The following MTMR10 variants were observed in gnomAD, a reference collection of about 807,000 sequenced individuals.
MTMR10 encodes the protein myotubularin-related protein 10.
MTMR10 carries 56 observed loss-of-function variants against 88.1 expected under a neutral mutation model. The observed-to-expected ratio is 0.64, with a 90% CI of 0.51 to 0.79. MTMR10 has a LOEUF of 0.79. Among genes scored for constraint, MTMR10 ranks in the 30% least tolerant of loss-of-function variants. MTMR10 has a pLI of 0.00. For synonymous variants in MTMR10, 380 were observed against 340.9 expected (o/e 1.11, Z -1.26); for missense variants, 883 against 924.7 (o/e 0.95, Z 0.58).
intron 2 of MTMR10, among the ~76,000 whole-genome samples, chr15:30,989,922 C>CT (rs1481439082): frequency 6.6e-6 from 1 of 152,128 alleles, no homozygotes; most frequent in Non-Finnish European, 1.5e-5. Context: ...AAGTATCTGG[C>CT]TACTTCCCCT....
the MTMR10 span, among the ~76,000 whole-genome samples, chr15:30,929,980 ATATAT>A: frequency 7.8e-6 from 1 of 128,650 alleles, no homozygotes; most frequent in South Asian, 2.2e-4. Flanking sequence ...AAAATATATA[ATATAT>A]AAGATATCAT....
chr15:30,965,117 G>T (rs1224006507), intron 6 of MTMR10, among the ~76,000 whole-genome samples: 1 of 152,218 alleles, frequency 6.6e-6, no homozygotes, highest in East Asian at 1.9e-4. Flanking sequence ...GGTTCCTCCA[G>T]TAATCCTGAT....
the MTMR10 span, among the ~76,000 whole-genome samples, chr15:30,930,008 G>A: frequency 7.7e-6 from 1 of 129,518 alleles, no homozygotes; most frequent in Non-Finnish European, 1.6e-5. Flanking sequence ...ATAATATAAT[G>A]TATAAAATAT....
the MTMR10 span, chr15:30,926,592 T>A: frequency 6.1e-6 from 6 of 983,536 alleles, no homozygotes; most frequent in Non-Finnish European, 7.2e-6. Flanking sequence ...CTACATAATA[T>A]CTTTATTACT....
the MTMR10 span, chr15:30,928,313 T>C: frequency 7.7e-7 from 1 of 1,293,330 alleles, no homozygotes; most frequent in Middle Eastern, 3.0e-4. Context: ...GAAATGTTCA[T>C]TTGAATTTTT....
rs745396431 is a variant in MTMR10, at chr15:30,941,955, C to G, written c.1849G>C (p.Ala617Pro). The G allele has an allele frequency of 6.2e-7, 1 of 1,614,004 alleles. No homozygotes were observed. Among genetic ancestry groups the G allele is most frequent in the Non-Finnish European group, 8.5e-7 (1 of 1,179,900 alleles). Reference sequence around the variant, plus strand: ...CTGTTCTGGCTGTCGGTTTGCTGAGCTGGATCTGGCTTTGGTTTTAATATC... The same window carrying G: ...CTGTTCTGGCTGTCGGTTTGCTGAGGTGGATCTGGCTTTGGTTTTAATATC... The part of the protein sequence containing the change: ...SLILKPKPDP[A>P]QQTDSQNSDT... The change falls in exon 16 of 16, where the codon GCT becomes CCT. Residue 617 changes from alanine (A) to proline (P), a missense_variant. Ala to Pro is a conservative substitution (Grantham distance 27). Around this residue, in one of 3 missense-constraint regions of MTMR10, gnomAD observed 343 missense variants for 323.2 expected, o/e 1.06. Coordinates refer to ENST00000435680, the MANE Select transcript of MTMR10 (RefSeq NM_017762.3).
At chr15:30,937,356 G>C (rs1304385458), downstream of MTMR10, 14 of 1,175,524 alleles carry the variant, frequency 1.2e-5, no homozygotes, top group Non-Finnish European at 1.5e-5. Flanking sequence ...TTATAAACCT[G>C]ATAGTTTGAC....
intron 15 of MTMR10, 101 bp from the exon 16 acceptor site, chr15:30,942,173 A>T: frequency 7.4e-7 from 1 of 1,358,016 alleles, no homozygotes; most frequent in African/African-American, 1.5e-5. Flanking sequence ...AAATTAATGG[A>T]ATTTCAGCCT....
chr15:30,951,517 T>A (rs865930435), intron 12 of MTMR10, among the ~76,000 whole-genome samples: 4 of 152,140 alleles, frequency 2.6e-5, no homozygotes, highest in East Asian at 3.9e-4. Flanking sequence ...TTATTTATTT[T>A]TTTTTTGAGT....
chr15:30,963,489 T>A (rs1299913144), intron 6 of MTMR10, among the ~76,000 whole-genome samples: 6 of 147,566 alleles, frequency 4.1e-5, no homozygotes, highest in South Asian at 2.1e-4. Context: ...AAAAAAAAAA[T>A]AAGCCGGGTG....
chr15:30,981,998 G>A (rs1480197462), intron 2 of MTMR10, among the ~76,000 whole-genome samples: 2 of 151,548 alleles, frequency 1.3e-5, no homozygotes, highest in Non-Finnish European at 2.9e-5. Context: ...TCAAACTCGG[G>A]AGCTGGAGGT....
intron 2 of MTMR10, among the ~76,000 whole-genome samples, chr15:30,978,181 G>A: frequency 6.6e-6 from 1 of 152,054 alleles, no homozygotes; most frequent in East Asian, 1.9e-4. Context: ...TTCCTATCTA[G>A]TTTACATTCA....
chr15:30,920,724 C>T, the MTMR10 span: 71 of 859,284 alleles, frequency 8.3e-5, no homozygotes, highest in African/African-American at 4.5e-4. Context: ...GGACAGCTGT[C>T]GGGCTCTCAG....
At chr15:30,956,042 G>C (rs1282794866) in intron 9 of MTMR10, among the ~76,000 whole-genome samples, 1 of 149,682 alleles carries the variant, frequency 6.7e-6, no homozygotes, top group Non-Finnish European at 1.5e-5. Context: ...ATAAATTAGT[G>C]TGGAATGTTT....
chr15:30,956,955 C>T (rs1021928864), intron 9 of MTMR10, among the ~76,000 whole-genome samples: 2 of 152,114 alleles, frequency 1.3e-5, no homozygotes, highest in Admixed American at 6.5e-5. Context: ...ACAGAGAATA[C>T]GGACTCGTGT....
At chr15:30,936,869 T>G (rs1345701438), downstream of MTMR10, among the ~76,000 whole-genome samples, 1 of 152,116 alleles carries the variant, frequency 6.6e-6, no homozygotes, top group Non-Finnish European at 1.5e-5. Context: ...AGTATCATAC[T>G]GGGAAAAGAT....
At chr15:30,932,090 C>T in the MTMR10 span, among the ~76,000 whole-genome samples, 741 of 151,700 alleles carry the variant, frequency 4.9e-3, 1 homozygote, top group Non-Finnish European at 7.9e-3. Context: ...GGTGTGGTGG[C>T]GGGCGCCTGT....
At chr15:30,930,844 C>A in the MTMR10 span, among the ~76,000 whole-genome samples, 2 of 152,194 alleles carry the variant, frequency 1.3e-5, no homozygotes, top group African/African-American at 4.8e-5. Context: ...TTCATCAGAG[C>A]AGGCGGGTGA....
chr15:30,970,583 C>A (rs1029433605), intron 5 of MTMR10, among the ~76,000 whole-genome samples: 1 of 152,066 alleles, frequency 6.6e-6, no homozygotes, highest in African/African-American at 2.4e-5. Context: ...ATGCTCCAAG[C>A]CAATAATAAT....
Sources: allele counts gnomAD v4.1 joint callset (sites outside exome capture counted in the v4.1 genomes callset), GRCh38; gene constraint gnomAD v4.1.1; regional missense constraint gnomAD v4.1.1; transcripts MANE v1.5; gene names NCBI Gene and HGNC (gene_info 2026-07-23, HGNC 2026-07-21).